The following CSMD3 variants were observed in gnomAD, a reference collection of about 807,000 sequenced individuals.
CSMD3 encodes the protein CUB and sushi domain-containing protein 3.
A neutral mutation model predicts 435.2 loss-of-function variants in CSMD3; 177 were observed. That is an observed-to-expected ratio of 0.41 (90% CI 0.36 to 0.46). The LOEUF is 0.46. Among genes scored for constraint, CSMD3 ranks in the 20% least tolerant of loss-of-function variants. The pLI is 0.34. For missense variants in CSMD3, 4,265 were observed against 4,504.6 expected (o/e 0.95, Z 1.52); for synonymous variants, 1,656 against 1,520.5 (o/e 1.09, Z -2.07).
chr8:112,502,621 C>T (rs1241343916), intron 30 of CSMD3, among the ~76,000 whole-genome samples: 7 of 152,136 alleles, frequency 4.6e-5, no homozygotes, highest in South Asian at 2.1e-4. Context: ...AGACTAACCC[C>T]TGTTCCTATG....
intron 1 of CSMD3, among the ~76,000 whole-genome samples, chr8:113,330,443 G>T (rs1179983130): frequency 6.6e-6 from 1 of 151,798 alleles, no homozygotes; most frequent in African/African-American, 2.4e-5. Context: ...AAAATGACAA[G>T]AATAAGTTCT....
rs769413083 is a variant in CSMD3, at chr8:113,436,850, T to A, written c.5A>T (p.Lys2Ile). Residue 2 changes from lysine (K) to isoleucine (I), a missense_variant, in exon 1 of 71, where the codon AAA (lysine) becomes ATA (isoleucine). This residue lies in a region of CSMD3 where 731 missense variants were observed against 755.4 expected (regional missense o/e 0.97). Coordinates refer to ENST00000297405, the MANE Select transcript of CSMD3 (RefSeq NM_198123.2). M[K>I]GIRKGESRAK... Reference sequence around the variant, plus strand: ...TCGGCTTTCCCCTTTGCGGATCCCTTTCATATTATTCGCGAGCTCCTAATT... The same window carrying A: ...TCGGCTTTCCCCTTTGCGGATCCCTATCATATTATTCGCGAGCTCCTAATT... 9.3e-6 allele frequency: 15 copies of A among 1,614,004 alleles called. No individual in the cohort carries two copies. The highest frequency in any genetic ancestry group is 1.3e-5 in the Non-Finnish European group (15 of 1,180,028).
intron 22 of CSMD3, among the ~76,000 whole-genome samples, chr8:112,632,280 G>A (rs1359055828): frequency 6.6e-6 from 1 of 151,946 alleles, no homozygotes; most frequent in African/African-American, 2.4e-5. Flanking sequence ...TATATCATCT[G>A]AAAGGTCAGA....
intron 12 of CSMD3, among the ~76,000 whole-genome samples, chr8:112,820,813 A>T (rs1025415504): frequency 7.3e-5 from 11 of 151,372 alleles, no homozygotes; most frequent in Non-Finnish European, 1.3e-4. Context: ...CTCTTCCTCC[A>T]CTCACCACCA....
At chr8:112,936,850 C>A (rs1406290659) in intron 9 of CSMD3, among the ~76,000 whole-genome samples, 1 of 152,060 alleles carries the variant, frequency 6.6e-6, no homozygotes, top group Non-Finnish European at 1.5e-5. Flanking sequence ...CTAAATACGT[C>A]AATATATTTC....
chr8:112,702,887 C>T (rs1217573055), intron 13 of CSMD3, among the ~76,000 whole-genome samples: 1 of 152,052 alleles, frequency 6.6e-6, no homozygotes, highest in East Asian at 1.9e-4. Flanking sequence ...ACTAGTGGCT[C>T]CCTGCTGTCA....
At chr8:112,644,380 T>C (rs982116958) in intron 20 of CSMD3, among the ~76,000 whole-genome samples, 1 of 152,162 alleles carries the variant, frequency 6.6e-6, no homozygotes, top group Admixed American at 6.5e-5. Context: ...TTATTAATCA[T>C]GCAAAATTGT....
intron 10 of CSMD3, among the ~76,000 whole-genome samples, chr8:112,911,731 GTAT>G (rs2082422134): frequency 1.4e-5 from 2 of 143,240 alleles, no homozygotes; most frequent in Non-Finnish European, 3.0e-5. Context: ...ATATAATTAT[GTAT>G]TATATTATGT....
chr8:113,331,888 T>C (rs1170151343), intron 1 of CSMD3, among the ~76,000 whole-genome samples: 1 of 151,772 alleles, frequency 6.6e-6, no homozygotes, highest in African/African-American at 2.4e-5. Context: ...ATATTCATTC[T>C]TGCCACTTGT....
intron 24 of CSMD3, among the ~76,000 whole-genome samples, chr8:112,560,696 A>C (rs1828542830): frequency 6.6e-6 from 1 of 151,712 alleles, no homozygotes; most frequent in Admixed American, 6.6e-5. Context: ...ATAGTCAAAC[A>C]GGTCAGTCTC....
chr8:113,221,357 A>C (rs920350661), intron 3 of CSMD3, among the ~76,000 whole-genome samples: 1 of 144,136 alleles, frequency 6.9e-6, no homozygotes, highest in Admixed American at 6.9e-5. Flanking sequence ...ACACAGTTAC[A>C]CACACACACA....
intron 5 of CSMD3, among the ~76,000 whole-genome samples, chr8:113,031,759 T>G (rs2087119234): frequency 6.6e-6 from 1 of 151,666 alleles, no homozygotes; most frequent in African/African-American, 2.4e-5. Flanking sequence ...TCTTGGGGGA[T>G]AGTGGGTGAA....
At chr8:113,353,853 C>G (rs1364107091) in intron 1 of CSMD3, among the ~76,000 whole-genome samples, 1 of 152,048 alleles carries the variant, frequency 6.6e-6, no homozygotes, top group Non-Finnish European at 1.5e-5. Flanking sequence ...TGAAGTGCAT[C>G]TTTTAAGAAT....
intron 32 of CSMD3, among the ~76,000 whole-genome samples, chr8:112,420,839 C>T (rs1402177300): frequency 1.3e-5 from 2 of 152,152 alleles, no homozygotes; most frequent in Non-Finnish European, 2.9e-5. Flanking sequence ...TTTCTCTCCG[C>T]TTTATGTGTG....
rs1339660472 is a variant in CSMD3 at position 112,917,505 on chromosome 8, T to TA, written c.1633+4121dup. ...ATTGGGATAAACTTTTGGTACAAGT[T>TA]AAAAAAAAAGTTGCTTAAAGGCAAA... On this transcript the variant is annotated intron_variant, in intron 10 of 70. Coordinates refer to ENST00000297405, the MANE Select transcript of CSMD3 (RefSeq NM_198123.2). 7.3e-5 allele frequency among the ~76,000 whole-genome samples: 11 copies of TA among 150,826 alleles called. No homozygotes were observed. The East Asian group carries it at 1.6e-3, about 21-fold the overall frequency.
At chr8:112,699,622 T>C (rs967414334) in intron 13 of CSMD3, among the ~76,000 whole-genome samples, 1 of 152,176 alleles carries the variant, frequency 6.6e-6, no homozygotes, top group Admixed American at 6.5e-5. Flanking sequence ...CTGGAAGACA[T>C]CAATTTTACT....
At chr8:112,706,077 T>G (rs2076492805) in intron 13 of CSMD3, among the ~76,000 whole-genome samples, 1 of 152,078 alleles carries the variant, frequency 6.6e-6, no homozygotes, top group Non-Finnish European at 1.5e-5. Context: ...GATAGGAAAC[T>G]CAGATATATG....
At chr8:112,871,106 G>A (rs889096901) in intron 10 of CSMD3, among the ~76,000 whole-genome samples, 4 of 152,086 alleles carry the variant, frequency 2.6e-5, no homozygotes, top group African/African-American at 9.7e-5. Flanking sequence ...AAATGAATAC[G>A]TGATTATTAC....
intron 61 of CSMD3, among the ~76,000 whole-genome samples, chr8:112,259,101 C>T (rs1017166531): frequency 6.6e-6 from 1 of 151,782 alleles, no homozygotes; most frequent in African/African-American, 2.4e-5. Flanking sequence ...GGGTATATAC[C>T]CAAAGGATTA....
Sources: gnomAD v4.1 joint callset for allele counts (sites outside exome capture counted in the v4.1 genomes callset) on GRCh38, gnomAD v4.1.1 for gene constraint, gnomAD v4.1.1 regional missense constraint, MANE v1.5 for transcripts, NCBI Gene and HGNC (gene_info 2026-07-23, HGNC 2026-07-21) for gene names.